XKR6: variants seen among roughly 807,000 people sequenced by gnomAD.
The protein encoded by XKR6 is XK related 6.
In XKR6, 22 loss-of-function variants were observed where a neutral mutation model predicts 56.7. The ratio of observed to expected loss-of-function variants is 0.39; its 90% CI spans 0.28 to 0.55. The LOEUF is 0.55. XKR6 is among the 20% of genes least tolerant of loss of function. XKR6 has a pLI of 0.66. For missense variants in XKR6, 852 were observed against 889.0 expected, an observed-to-expected ratio of 0.96 and a Z score of 0.53; for synonymous variants, 524 against 387.8, an observed-to-expected ratio of 1.35 and a Z score of -4.13.
chr8:11,116,155 G>C (rs1478453587), intron 1 of XKR6, among the ~76,000 whole-genome samples: 1 of 152,186 alleles, frequency 6.6e-6, no homozygotes, highest in East Asian at 1.9e-4. Flanking sequence ...CTGTATGCTG[G>C]TCTTATGTGC....
At chr8:10,899,932 C>T (rs1799987599) in intron 2 of XKR6, among the ~76,000 whole-genome samples, 1 of 152,100 alleles carries the variant, frequency 6.6e-6, no homozygotes, top group African/African-American at 2.4e-5. Context: ...TCCCCAAATC[C>T]ACCCATGAAC....
chr8:11,076,176 T>C (rs574046036), intron 1 of XKR6, among the ~76,000 whole-genome samples: 22 of 152,154 alleles, frequency 1.4e-4, no homozygotes, highest in Non-Finnish European at 3.1e-4. Flanking sequence ...GGAGTCAGAT[T>C]CATAGAGGCA....
intron 1 of XKR6, among the ~76,000 whole-genome samples, chr8:11,092,273 G>GCA (rs368642937): frequency 6.6e-6 from 1 of 151,766 alleles, no homozygotes. Flanking sequence ...CATTGTGCAC[G>GCA]CACACACACA....
intron 1 of XKR6, among the ~76,000 whole-genome samples, chr8:11,019,534 G>A (rs1798702032): frequency 6.6e-6 from 1 of 152,214 alleles, no homozygotes; most frequent in Non-Finnish European, 1.5e-5. Flanking sequence ...ACAGGCACAG[G>A]AGGCAGGACT....
intron 1 of XKR6, chr8:11,062,566 T>C (rs1432883978): frequency 2.8e-6 from 1 of 361,492 alleles, no homozygotes. Flanking sequence ...CAGGGGCTGA[T>C]TGGCTGATTA....
intron 1 of XKR6, among the ~76,000 whole-genome samples, chr8:10,970,554 C>T (rs529178184): frequency 6.6e-6 from 1 of 152,040 alleles, no homozygotes; most frequent in African/African-American, 2.4e-5. Flanking sequence ...ATTGAGATGT[C>T]TGATCTCAAT....
At chr8:11,039,208 T>C (rs1379697246) in intron 1 of XKR6, among the ~76,000 whole-genome samples, 1 of 152,138 alleles carries the variant, frequency 6.6e-6, no homozygotes, top group African/African-American at 2.4e-5. Flanking sequence ...CACCAGCCAA[T>C]GTACTGAAGT....
chr8:10,928,207 C>A (rs886490744), intron 1 of XKR6, among the ~76,000 whole-genome samples: 1 of 152,178 alleles, frequency 6.6e-6, no homozygotes, highest in Non-Finnish European at 1.5e-5. Flanking sequence ...GGGGCCCGGA[C>A]GGGACCAGAA....
chr8:10,918,618 A>G lies in XKR6; in HGVS notation c.961+6016T>C, dbSNP rs1176123078. 2.0e-5 allele frequency among the ~76,000 whole-genome samples: 3 copies of G among 152,234 alleles called. No homozygotes were observed. In the East Asian group the frequency reaches 5.8e-4, roughly 29 times the overall value. ...GGTTTTAGAGAAGGACTCTCCAGGT[A>G]GAGATCCCAGCTCTACCACTTCCAA... On this transcript the variant is annotated intron_variant, in intron 2 of 2. Coordinates refer to ENST00000416569, the MANE Select transcript of XKR6 (RefSeq NM_173683.4).
At chr8:10,971,295 C>T (rs1423483247) in intron 1 of XKR6, among the ~76,000 whole-genome samples, 3 of 151,700 alleles carry the variant, frequency 2.0e-5, no homozygotes, top group African/African-American at 7.3e-5. Context: ...GTGGCGGGCA[C>T]CTGTAGTCCC....
At position 11,108,270 on chromosome 8, in the gene XKR6, G is replaced by A. The variant is rs144476133; in HGVS notation, c.764+92306C>T. On this transcript the variant is annotated intron_variant, in intron 1 of 2. Coordinates refer to ENST00000416569, the MANE Select transcript of XKR6 (RefSeq NM_173683.4). Reference sequence around the variant, plus strand: ...AAGGAATAAGGAAGGAATTATCTGTGAATCTTGACCATTTTCCTGAAAATC... The same window carrying A: ...AAGGAATAAGGAAGGAATTATCTGTAAATCTTGACCATTTTCCTGAAAATC... 1,095 of 456,036 alleles carry A rather than the reference G, an allele frequency of 2.4e-3. 12 individuals are homozygous for A. The highest frequency in any genetic ancestry group is 0.019 in the African/African-American group (937 of 50,198). 28.2% of individuals were successfully genotyped at this position (456,036 alleles called of 1,614,324 possible). A position where few individuals can be genotyped will look rare whatever the true frequency, so the allele number is the denominator to read the frequency against.
intron 1 of XKR6, among the ~76,000 whole-genome samples, chr8:11,044,569 A>C (rs535262492): frequency 1.6e-4 from 25 of 152,026 alleles, no homozygotes; most frequent in African/African-American, 6.0e-4. Context: ...ACACATCTAC[A>C]TATATTCCCT....
At chr8:11,104,629 G>C (rs1303586752) in intron 1 of XKR6, 2 of 152,308 alleles carry the variant, frequency 1.3e-5, no homozygotes, top group Admixed American at 1.3e-4. Context: ...TATACAGTCA[G>C]TCTTAAACTT....
intron 2 of XKR6, among the ~76,000 whole-genome samples, chr8:10,913,700 G>T (rs903578917): frequency 6.6e-6 from 1 of 152,228 alleles, no homozygotes; most frequent in African/African-American, 2.4e-5. Context: ...GGTGTGCAAA[G>T]CCAGGCCCCT....
chr8:10,987,811 A>G (rs553026469), intron 1 of XKR6, among the ~76,000 whole-genome samples: 96 of 152,232 alleles, frequency 6.3e-4, no homozygotes, highest in African/African-American at 2.3e-3. Flanking sequence ...GTCTTTCCCA[A>G]ATGGCCTCCT....
At chr8:11,184,773 C>T (rs902600332) in intron 1 of XKR6, among the ~76,000 whole-genome samples, 5 of 152,070 alleles carry the variant, frequency 3.3e-5, no homozygotes, top group African/African-American at 1.2e-4. Flanking sequence ...CTCATGCAAT[C>T]AACCCGCCTC....
At chr8:11,127,483 G>C (rs1437869310) in intron 1 of XKR6, among the ~76,000 whole-genome samples, 3 of 152,198 alleles carry the variant, frequency 2.0e-5, no homozygotes, top group African/African-American at 4.8e-5. Context: ...TGTCAGAAGG[G>C]CCACATTTCT....
intron 1 of XKR6, among the ~76,000 whole-genome samples, chr8:11,098,229 TCACACACGCACAACACA>T (rs1207095570): frequency 6.6e-6 from 1 of 150,742 alleles, no homozygotes; most frequent in Non-Finnish European, 1.5e-5. Flanking sequence ...ACACACGCAC[TCACACACGCACAACACA>T]CACACACGCA....
intron 1 of XKR6, among the ~76,000 whole-genome samples, chr8:11,187,629 GA>G (rs1803344154): frequency 6.6e-6 from 1 of 152,084 alleles, no homozygotes; most frequent in Non-Finnish European, 1.5e-5. Context: ...CAACAAAAAA[GA>G]AAACAACCCT....
Sources: allele counts gnomAD v4.1 joint callset (sites outside exome capture counted in the v4.1 genomes callset), GRCh38; gene constraint gnomAD v4.1.1; transcripts MANE v1.5; gene names NCBI Gene and HGNC (gene_info 2026-07-23, HGNC 2026-07-21).